Variants in ST6GALNAC5 observed in about 807,000 individuals in gnomAD.
ST6GALNAC5 encodes the protein ST6 N-acetylgalactosaminide alpha-2,6-sialyltransferase 5.
In ST6GALNAC5, 27 loss-of-function variants were observed where a neutral mutation model predicts 33.6. That is an observed-to-expected ratio of 0.80 (90% CI 0.59 to 1.11). The LOEUF is 1.11. Ranked by LOEUF, ST6GALNAC5 falls within the 50% of genes least tolerant of loss-of-function variation. The pLI is 0.00. For missense variants in ST6GALNAC5, 428 were observed against 454.0 expected, an observed-to-expected ratio of 0.94 and a Z score of 0.52; for synonymous variants, 194 against 171.2, an observed-to-expected ratio of 1.13 and a Z score of -1.04.
chr1:77,004,141 G>T (rs1229558328), intron 2 of ST6GALNAC5, among the ~76,000 whole-genome samples: 2 of 151,706 alleles, frequency 1.3e-5, no homozygotes, highest in Non-Finnish European at 2.9e-5. Flanking sequence ...ATCAGACGTA[G>T]ATTTGGTCTT....
Position 76,957,944 on chromosome 1 carries a change from T to A in ST6GALNAC5, c.262-86260T>A, listed in dbSNP as rs182085513. On this transcript the variant is annotated intron_variant, in intron 2 of 4. Coordinates refer to ENST00000477717, the MANE Select transcript of ST6GALNAC5 (RefSeq NM_030965.3). The stretch of plus-strand genomic sequence containing the variant: ...AGCTAGAAGGATACCTCGCTTTTTT[T>A]AATTTTTCATGATACTCATATTTTT... 3.0e-3 allele frequency among the ~76,000 whole-genome samples: 455 copies of A among 152,302 alleles called. 2 individuals carry two copies. Among genetic ancestry groups the A allele is most frequent in the African/African-American group, 0.01 (430 of 41,566 alleles).
intron 4 of ST6GALNAC5, among the ~76,000 whole-genome samples, chr1:77,055,621 C>T (rs991556893): frequency 3.9e-5 from 6 of 152,200 alleles, no homozygotes; most frequent in South Asian, 2.1e-4. Context: ...AGCCAATGCT[C>T]TTAATCCTTC....
At chr1:77,043,000 G>A (rs1651883849) in intron 2 of ST6GALNAC5, among the ~76,000 whole-genome samples, 1 of 152,150 alleles carries the variant, frequency 6.6e-6, no homozygotes, top group African/African-American at 2.4e-5. Context: ...TGCTCTCAGT[G>A]TAGTTCTGAA....
chr1:77,052,625 T>C (rs1412433589), intron 4 of ST6GALNAC5, among the ~76,000 whole-genome samples: 1 of 151,994 alleles, frequency 6.6e-6, no homozygotes, highest in South Asian at 2.1e-4. Context: ...CCCTGAAAGA[T>C]ACCAAGAATT....
At chr1:76,914,144 A>G (rs1570667300) in intron 2 of ST6GALNAC5, among the ~76,000 whole-genome samples, 1 of 152,154 alleles carries the variant, frequency 6.6e-6, no homozygotes, top group Non-Finnish European at 1.5e-5. Flanking sequence ...GACATGAAGG[A>G]CCTCTTCAAG....
At chr1:76,896,722 G>A (rs1654147857) in intron 2 of ST6GALNAC5, among the ~76,000 whole-genome samples, 1 of 152,178 alleles carries the variant, frequency 6.6e-6, no homozygotes, top group Admixed American at 6.5e-5. Flanking sequence ...AGCTGAAGGA[G>A]CCGGGAGCAG....
At chr1:76,988,501 ATAT>A (rs1378202440) in intron 2 of ST6GALNAC5, among the ~76,000 whole-genome samples, 2 of 151,928 alleles carry the variant, frequency 1.3e-5, no homozygotes, top group African/African-American at 4.8e-5. Context: ...ATAACTGTGA[ATAT>A]TATTATATTT....
intron 2 of ST6GALNAC5, among the ~76,000 whole-genome samples, chr1:76,888,458 G>C (rs1653945436): frequency 1.3e-5 from 2 of 152,054 alleles, no homozygotes; most frequent in South Asian, 4.1e-4. Context: ...ACTATAGCTG[G>C]AATTGATTTT....
At chr1:76,941,131 T>A (rs554568042) in intron 2 of ST6GALNAC5, among the ~76,000 whole-genome samples, 3 of 152,224 alleles carry the variant, frequency 2.0e-5, no homozygotes, top group African/African-American at 7.2e-5. Context: ...TTGAGAACTC[T>A]GTGAGCTTAG....
chr1:76,955,581 A>G (rs573765735), intron 2 of ST6GALNAC5, among the ~76,000 whole-genome samples: 2 of 152,298 alleles, frequency 1.3e-5, no homozygotes, highest in East Asian at 3.9e-4. Flanking sequence ...GATGACTCTG[A>G]AAGTGTTTAC....
At chr1:76,946,507 G>T (rs971296810) in intron 2 of ST6GALNAC5, among the ~76,000 whole-genome samples, 1 of 152,100 alleles carries the variant, frequency 6.6e-6, no homozygotes, top group South Asian at 2.1e-4. Context: ...TGAAATGAGG[G>T]TCAAGAATGG....
chr1:76,867,878 G>C (rs547003885), intron 1 of ST6GALNAC5, among the ~76,000 whole-genome samples, 188 bp downstream of exon 1: 8 of 152,186 alleles, frequency 5.3e-5, no homozygotes, highest in Non-Finnish European at 1.0e-4. Flanking sequence ...CGGAATCCCA[G>C]AGCCAGGATG....
chr1:77,008,673 G>A (rs1381608222), intron 2 of ST6GALNAC5, among the ~76,000 whole-genome samples: 2 of 152,142 alleles, frequency 1.3e-5, no homozygotes, highest in African/African-American at 2.4e-5. Flanking sequence ...GGGATTACAG[G>A]TGCCCGCCAC....
chr1:76,876,195 A>G (rs1653635450), intron 2 of ST6GALNAC5, among the ~76,000 whole-genome samples: 1 of 152,222 alleles, frequency 6.6e-6, no homozygotes, highest in Non-Finnish European at 1.5e-5. Context: ...GCCACCAGGT[A>G]GCTGGCTGAT....
At chr1:77,050,589 G>T (rs189991716) in intron 4 of ST6GALNAC5, among the ~76,000 whole-genome samples, 147 of 152,258 alleles carry the variant, frequency 9.7e-4, no homozygotes, top group Non-Finnish European at 1.6e-3. Context: ...CATCTTGTGG[G>T]CTCCATTTAT....
intron 2 of ST6GALNAC5, among the ~76,000 whole-genome samples, chr1:76,916,118 C>T (rs1399129261): frequency 6.6e-6 from 1 of 151,980 alleles, no homozygotes; most frequent in East Asian, 1.9e-4. Flanking sequence ...TACCTTTAAA[C>T]CAAGAAGGGT....
chr1:77,049,654 A>G (rs1279903648), intron 3 of ST6GALNAC5, among the ~76,000 whole-genome samples: 1 of 152,204 alleles, frequency 6.6e-6, no homozygotes, highest in Admixed American at 6.5e-5. Context: ...TCAGTTAAAT[A>G]TAAGCATTCC....
intron 2 of ST6GALNAC5, among the ~76,000 whole-genome samples, chr1:77,013,653 C>T (rs1021668791): frequency 6.6e-6 from 1 of 152,154 alleles, no homozygotes; most frequent in Non-Finnish European, 1.5e-5. Context: ...TAAGCACTTG[C>T]CTCAAGGCCC....
chr1:77,064,299 T>A lies in ST6GALNAC5; in HGVS notation c.*1093T>A, dbSNP rs1236621321. 1 of 152,076 alleles carries A rather than the reference T, an allele frequency of 6.6e-6. No homozygotes were observed. Among genetic ancestry groups the A allele is most frequent in the African/African-American group, 2.4e-5 (1 of 41,400 alleles). 9.4% of individuals were successfully genotyped at this position (152,076 alleles called of 1,614,324 possible). On this transcript the variant is annotated 3_prime_UTR_variant, in exon 5 of 5. Coordinates refer to ENST00000477717, the MANE Select transcript of ST6GALNAC5 (RefSeq NM_030965.3). ...TCTACATTCATATTACTTATATCACTCTTGTGGTTAAAACTACACTTCTTC... is the reference window on the plus strand; with the variant it reads ...TCTACATTCATATTACTTATATCACACTTGTGGTTAAAACTACACTTCTTC...
Sources: allele counts gnomAD v4.1 joint callset (sites outside exome capture counted in the v4.1 genomes callset), GRCh38; gene constraint gnomAD v4.1.1; transcripts MANE v1.5; gene names NCBI Gene and HGNC (gene_info 2026-07-23, HGNC 2026-07-21).